TMTC2: variants seen among roughly 807,000 people sequenced by gnomAD.
The protein encoded by TMTC2 is transmembrane O-mannosyltransferase targeting cadherins 2.
A neutral mutation model predicts 82.4 loss-of-function variants in TMTC2; 43 were observed. The observed-to-expected ratio is 0.52, with a 90% confidence interval of 0.41 to 0.67. TMTC2 has a LOEUF of 0.67. Among genes scored for constraint, TMTC2 ranks in the 30% least tolerant of loss-of-function variants. TMTC2 has a pLI of 0.00. For missense variants in TMTC2, 919 were observed against 1,012.4 expected, an observed-to-expected ratio of 0.91 and a Z score of 1.25; for synonymous variants, 408 against 381.9, an observed-to-expected ratio of 1.07 and a Z score of -0.80.
rs537941799 is a variant in TMTC2, at chr12:82,755,451, A to C, written c.83+67782A>C. Among the ~76,000 whole-genome samples, 26 of 152,352 alleles carry C rather than the reference A, an allele frequency of 1.7e-4. No individual in the cohort carries two copies. In the South Asian group the frequency reaches 5.0e-3, roughly 29 times the overall value. On this transcript the variant is annotated intron_variant, in intron 1 of 11. Coordinates refer to ENST00000321196, the MANE Select transcript of TMTC2 (RefSeq NM_152588.3). ...GCCCACAGTGACTAACTGATGATTA[A>C]TTAATCAAAATTGTTCAAATGAAAT...
At chr12:82,877,276 T>G (rs557307052) in intron 2 of TMTC2, among the ~76,000 whole-genome samples, 65 of 152,322 alleles carry the variant, frequency 4.3e-4, no homozygotes, top group African/African-American at 1.4e-3. Context: ...ACCGCATTCT[T>G]AAGTCACAGA....
intron 1 of TMTC2, among the ~76,000 whole-genome samples, chr12:82,782,326 C>T (rs1288869822): frequency 1.3e-5 from 2 of 152,010 alleles, no homozygotes; most frequent in Non-Finnish European, 2.9e-5. Flanking sequence ...ACTGATTGAA[C>T]AAAACGAAAA....
At chr12:82,847,471 TG>T (rs1180328114) in intron 1 of TMTC2, among the ~76,000 whole-genome samples, 1 of 152,166 alleles carries the variant, frequency 6.6e-6, no homozygotes, top group African/African-American at 2.4e-5. Flanking sequence ...TTATAAATCA[TG>T]CTGCTATAAA....
intron 7 of TMTC2, among the ~76,000 whole-genome samples, chr12:82,970,458 A>C (rs958558680): frequency 2.4e-4 from 37 of 151,110 alleles, no homozygotes; most frequent in Non-Finnish European, 2.8e-4. Flanking sequence ...CAGCCTCCCG[A>C]GTAGCTGGGA....
chr12:82,757,082 A>G (rs1266000717), intron 1 of TMTC2, among the ~76,000 whole-genome samples: 3 of 152,218 alleles, frequency 2.0e-5, no homozygotes, highest in Non-Finnish European at 2.9e-5. Context: ...CACTGTATAC[A>G]TGGCTTTAAC....
chr12:83,089,386 A>G (rs1592739090), intron 11 of TMTC2, among the ~76,000 whole-genome samples: 1 of 152,246 alleles, frequency 6.6e-6, no homozygotes, highest in East Asian at 1.9e-4. Flanking sequence ...ACTGAACGGC[A>G]CATAGTAAAC....
rs906585024 is a variant in TMTC2 at position 82,930,335 on chromosome 12, G to T, written c.1484-96G>T. The stretch of plus-strand genomic sequence containing the variant: ...TCCTTCTTAAAAATGTTTTATGATG[G>T]TTTTCTCTCCCTGTGGTACTTCCTG... On this transcript the variant is annotated intron_variant, in intron 3 of 11. Coordinates refer to ENST00000321196, the MANE Select transcript of TMTC2 (RefSeq NM_152588.3). 1.4e-5 allele frequency: 9 copies of T among 629,676 alleles called. No individual in the cohort carries two copies. In the South Asian group the frequency reaches 2.4e-4, roughly 16 times the overall value. 39.0% of individuals were successfully genotyped at this position (629,676 alleles called of 1,614,324 possible). A position where few individuals can be genotyped will look rare whatever the true frequency, so the allele number is the denominator to read the frequency against.
intron 3 of TMTC2, among the ~76,000 whole-genome samples, chr12:82,925,537 G>A (rs938399326): frequency 6.6e-6 from 1 of 152,158 alleles, no homozygotes; most frequent in African/African-American, 2.4e-5. Context: ...CAAATTGAAT[G>A]TGGCAACTGC....
intron 11 of TMTC2, among the ~76,000 whole-genome samples, chr12:83,105,453 GC>G (rs756317441): frequency 2.6e-5 from 4 of 152,182 alleles, no homozygotes; most frequent in Admixed American, 2.0e-4. Context: ...CATGGTGCCG[GC>G]ATCTGCTCAG....
chr12:82,730,755 A>G (rs1388163748), intron 1 of TMTC2, among the ~76,000 whole-genome samples: 1 of 152,244 alleles, frequency 6.6e-6, no homozygotes, highest in Non-Finnish European at 1.5e-5. Context: ...GCCGTACATC[A>G]ATAACCTTAC....
At chr12:82,989,945 T>C (rs1225284339) in intron 8 of TMTC2, among the ~76,000 whole-genome samples, 3 of 152,118 alleles carry the variant, frequency 2.0e-5, no homozygotes, top group African/African-American at 7.2e-5. Flanking sequence ...CCCACAACCA[T>C]CTTTAACAGC....
At chr12:82,775,845 C>A (rs574375596) in intron 1 of TMTC2, among the ~76,000 whole-genome samples, 28 of 152,082 alleles carry the variant, frequency 1.8e-4, no homozygotes, top group African/African-American at 6.7e-4. Flanking sequence ...GCTCAGTTTC[C>A]TTTTATGCTT....
intron 1 of TMTC2, among the ~76,000 whole-genome samples, chr12:82,766,116 T>C (rs1373974570): frequency 6.6e-6 from 1 of 152,332 alleles, no homozygotes; most frequent in East Asian, 1.9e-4. Context: ...CTTGGAAGTT[T>C]CTCTGTGTCT....
At position 82,965,615 on chromosome 12, in the gene TMTC2, C is replaced by A; in HGVS notation, c.1740C>A (p.Ala580=). The A allele has an allele frequency of 6.2e-7, 1 of 1,613,726 alleles. No homozygotes were observed. The highest frequency in any genetic ancestry group is 1.6e-4 in the Middle Eastern group (1 of 6,062). The change falls in exon 6 of 12, where the codon GCC becomes GCA. Residue 580 remains alanine, a synonymous_variant. Transcript: ENST00000321196. ...TGAACCAAGGAAGGACGGAAGAAGCCCGACGGACATTCTTAAAGTGTTCGG... is the reference window on the plus strand; with the variant it reads ...TGAACCAAGGAAGGACGGAAGAAGCACGACGGACATTCTTAAAGTGTTCGG... ...ILMNQGRTEE[A]RRTFLKCSEI...
At chr12:82,844,170 T>A (rs1870500802) in intron 1 of TMTC2, among the ~76,000 whole-genome samples, 1 of 152,222 alleles carries the variant, frequency 6.6e-6, no homozygotes, top group Non-Finnish European at 1.5e-5. Flanking sequence ...TCACAATCAG[T>A]GTTCATAGCC....
At chr12:82,818,597 TTTGA>T (rs1175976798) in intron 1 of TMTC2, among the ~76,000 whole-genome samples, 1 of 152,150 alleles carries the variant, frequency 6.6e-6, no homozygotes, top group Non-Finnish European at 1.5e-5. Flanking sequence ...CATCCCCTTG[TTTGA>T]TTGTGGACAT....
intron 11 of TMTC2, among the ~76,000 whole-genome samples, chr12:83,108,326 T>C (rs1050078543): frequency 6.6e-6 from 1 of 152,102 alleles, no homozygotes; most frequent in Non-Finnish European, 1.5e-5. Flanking sequence ...AAAAATGTGA[T>C]CAGTATTATT....
rs139719601 is a variant in TMTC2 at position 83,106,928 on chromosome 12, A to T, written c.2332-25282A>T. On this transcript the variant is annotated intron_variant, in intron 11 of 11. Coordinates refer to ENST00000321196, the MANE Select transcript of TMTC2 (RefSeq NM_152588.3). ...AGAATAAAAATAACTCCAGAAGGGG[A>T]ATCTAAGATGTGACAAGAAATGCTG... Among the ~76,000 whole-genome samples the T allele has an allele frequency of 1.8e-4, 28 of 152,382 alleles. No homozygotes were observed. In the East Asian group the frequency reaches 5.4e-3, roughly 29 times the overall value.
chr12:82,734,305 C>G (rs950185272), intron 1 of TMTC2, among the ~76,000 whole-genome samples: 6 of 152,064 alleles, frequency 3.9e-5, no homozygotes, highest in African/African-American at 1.4e-4. Context: ...CTCTGGAGAC[C>G]CTGGGAAAGA....
Sources: gnomAD v4.1 joint callset for allele counts (sites outside exome capture counted in the v4.1 genomes callset) on GRCh38, gnomAD v4.1.1 for gene constraint, MANE v1.5 for transcripts, NCBI Gene and HGNC (gene_info 2026-07-23, HGNC 2026-07-21) for gene names.